Variants in SLC4A10 observed in about 807,000 individuals in gnomAD.
SLC4A10 encodes the protein solute carrier family 4 member 10.
Under a neutral mutation model 137.7 loss-of-function variants are expected in SLC4A10, and 42 were observed. The ratio of observed to expected loss-of-function variants is 0.30; its 90% CI spans 0.24 to 0.39. SLC4A10 has a LOEUF of 0.39. Ranked by LOEUF, SLC4A10 falls within the 10% of genes least tolerant of loss-of-function variation. The pLI is 1.00. For missense variants in SLC4A10, 925 were observed against 1,355.0 expected, an observed-to-expected ratio of 0.68 and a Z score of 4.98; for synonymous variants, 474 against 464.1, an observed-to-expected ratio of 1.02 and a Z score of -0.27.
intron 26 of SLC4A10, among the ~76,000 whole-genome samples, chr2:161,982,876 T>A (rs1212493867): frequency 6.6e-6 from 1 of 152,212 alleles, no homozygotes; most frequent in African/African-American, 2.4e-5. Context: ...AGTGAGTCAC[T>A]TGCCCAAATG....
intron 2 of SLC4A10, among the ~76,000 whole-genome samples, chr2:161,801,104 A>T (rs764624869): frequency 3.4e-4 from 52 of 152,032 alleles, no homozygotes; most frequent in Middle Eastern, 3.2e-3. Flanking sequence ...TTGTAACTTC[A>T]CATGTATTAA....
chr2:161,781,411 C>T (rs998460351), intron 2 of SLC4A10, among the ~76,000 whole-genome samples: 8 of 151,908 alleles, frequency 5.3e-5, no homozygotes, highest in African/African-American at 9.7e-5. Flanking sequence ...GTGTGTACAT[C>T]GACCAGAAAA....
At chr2:161,856,006 TA>T (rs1266156571) in intron 5 of SLC4A10, among the ~76,000 whole-genome samples, 1 of 152,094 alleles carries the variant, frequency 6.6e-6, no homozygotes, top group Non-Finnish European at 1.5e-5. Flanking sequence ...GAAAATAATA[TA>T]TTAGAAAAAT....
intron 1 of SLC4A10, among the ~76,000 whole-genome samples, chr2:161,737,582 A>G (rs764256941): frequency 4.6e-5 from 7 of 152,162 alleles, no homozygotes; most frequent in Non-Finnish European, 8.8e-5. Context: ...TTCTACATCA[A>G]TAGGCATTCC....
intron 3 of SLC4A10, among the ~76,000 whole-genome samples, chr2:161,807,727 C>T (rs1387124435): frequency 6.6e-6 from 1 of 151,912 alleles, no homozygotes; most frequent in African/African-American, 2.4e-5. Flanking sequence ...TTCTTCATAC[C>T]TTTACTGCCT....
chr2:161,790,384 A>C (rs2054069032), intron 2 of SLC4A10, among the ~76,000 whole-genome samples: 1 of 152,150 alleles, frequency 6.6e-6, no homozygotes, highest in Admixed American at 6.6e-5. Flanking sequence ...TCCTTATTTC[A>C]AATGTTTTTT....
At chr2:161,859,255 T>C (rs1415368334) in intron 5 of SLC4A10, among the ~76,000 whole-genome samples, 1 of 151,210 alleles carries the variant, frequency 6.6e-6, no homozygotes, top group African/African-American at 2.4e-5. Context: ...TTCTGAGGCC[T>C]TTTTCCACAA....
rs573848610 is a variant in SLC4A10 at position 161,896,056 on chromosome 2, T to G, written c.1341+1231T>G. Among the ~76,000 whole-genome samples the G allele has an allele frequency of 5.3e-5, 8 of 151,570 alleles. No individual in the cohort carries two copies. In the East Asian group the frequency reaches 1.4e-3, roughly 26 times the overall value. On this transcript the variant is annotated intron_variant, in intron 11 of 26. Transcript: ENST00000446997. ...GTTTTTATGGTTTTAGGTCTAACAT[T>G]TAAGTCTTTAATCCATCTTGAATTA...
chr2:161,867,848 G>T (rs912563050), intron 6 of SLC4A10, among the ~76,000 whole-genome samples: 1 of 151,418 alleles, frequency 6.6e-6, no homozygotes, highest in Non-Finnish European at 1.5e-5. Context: ...TCTTTATTTT[G>T]CTCTGTCTTG....
intron 15 of SLC4A10, among the ~76,000 whole-genome samples, chr2:161,923,575 C>CA (rs1330384303): frequency 1.3e-5 from 2 of 150,686 alleles, no homozygotes; most frequent in Admixed American, 6.7e-5. Flanking sequence ...ATCGCGAGGA[C>CA]AAAAAACCAA....
At position 161,816,282 on chromosome 2, in the gene SLC4A10, C is replaced by T. The variant is rs550509820; in HGVS notation, c.277+11687C>T. ...ATATTTCTGCAGGTGCCTCAAAATT[C>T]TTTGGAATTCAACTTCCGAAGAAGT... On this transcript the variant is annotated intron_variant, in intron 3 of 26. Transcript: ENST00000446997. 1.8e-3 allele frequency among the ~76,000 whole-genome samples: 278 copies of T among 152,214 alleles called. 1 individual carries two copies. Among genetic ancestry groups the T allele is most frequent in the African/African-American group, 6.3e-3 (263 of 41,554 alleles).
chr2:161,742,473 G>T (rs1249876094), intron 1 of SLC4A10, among the ~76,000 whole-genome samples: 2 of 119,200 alleles, frequency 1.7e-5, no homozygotes, highest in South Asian at 2.5e-4. Context: ...ACTGAGTCTC[G>T]CACTGTCGCC....
At chr2:161,785,842 C>T (rs764129904) in intron 2 of SLC4A10, among the ~76,000 whole-genome samples, 1 of 151,662 alleles carries the variant, frequency 6.6e-6, no homozygotes, top group African/African-American at 2.4e-5. Context: ...CTAGGAAGAG[C>T]GATTAGGCAA....
At chr2:161,834,515 C>T (rs1159241532) in intron 3 of SLC4A10, among the ~76,000 whole-genome samples, 1 of 152,152 alleles carries the variant, frequency 6.6e-6, no homozygotes, top group Non-Finnish European at 1.5e-5. Context: ...GTGTGAGTCT[C>T]TCAAACTGTG....
At chr2:161,968,038 C>T (rs887442985) in intron 23 of SLC4A10, among the ~76,000 whole-genome samples, 1 of 150,244 alleles carries the variant, frequency 6.7e-6, no homozygotes, top group Admixed American at 6.6e-5. Flanking sequence ...CTCCTTAGAT[C>T]ATACTCATAC....
At chr2:161,778,279 G>A (rs2052613559) in intron 2 of SLC4A10, among the ~76,000 whole-genome samples, 1 of 151,796 alleles carries the variant, frequency 6.6e-6, no homozygotes, top group African/African-American at 2.4e-5. Flanking sequence ...TACCTTCTAA[G>A]AGCTATCATT....
chr2:161,682,416 G>A (rs1293654205), intron 1 of SLC4A10, among the ~76,000 whole-genome samples: 1 of 152,052 alleles, frequency 6.6e-6, no homozygotes, highest in Non-Finnish European at 1.5e-5. Context: ...TGCAGGTAAA[G>A]GGAAGTTAAC....
At position 161,839,794 on chromosome 2, in the gene SLC4A10, C is replaced by T; in HGVS notation, c.283C>T (p.Pro95Ser). The change falls in exon 4 of 27, where the codon CCA (proline) becomes TCA (serine). Residue 95 changes from proline (P) to serine (S), a missense_variant. By Grantham distance (74) the Pro-to-Ser change is moderately conservative (BLOSUM62 -1). Around this residue, in one of 11 missense-constraint regions of SLC4A10, gnomAD observed 138 missense variants for 171.3 expected, o/e 0.81. Transcript: ENST00000446997. Reference sequence around the variant, plus strand: ...ACATGTCTCTGATTTTTTAGACACCCCATCACAGAGGGTACAGTTTATTCT... The same window carrying T: ...ACATGTCTCTGATTTTTTAGACACCTCATCACAGAGGGTACAGTTTATTCT... ...DGRESPSFDT[P>S]SQRVQFILGT... 6.2e-7 allele frequency: 1 copy of T among 1,613,402 alleles called. No individual in the cohort carries two copies. Among genetic ancestry groups the T allele is most frequent in the Non-Finnish European group, 8.5e-7 (1 of 1,179,686 alleles).
chr2:161,850,628 A>G (rs1356956537), intron 4 of SLC4A10, among the ~76,000 whole-genome samples: 2 of 151,988 alleles, frequency 1.3e-5, no homozygotes, highest in Non-Finnish European at 1.5e-5. Context: ...AGCTAATAGT[A>G]TATCAATGTT....
Sources: gnomAD v4.1 joint callset for allele counts (sites outside exome capture counted in the v4.1 genomes callset) on GRCh38, gnomAD v4.1.1 for gene constraint, gnomAD v4.1.1 regional missense constraint, MANE v1.5 for transcripts, NCBI Gene and HGNC (gene_info 2026-07-23, HGNC 2026-07-21) for gene names.